The following STXBP6 variants were observed in gnomAD, a reference collection of about 807,000 sequenced individuals.
The protein encoded by STXBP6 is syntaxin binding protein 6.
In STXBP6, 21 loss-of-function variants were observed where a neutral mutation model predicts 26.9. The ratio of observed to expected loss-of-function variants is 0.78; its 90% CI spans 0.55 to 1.12. The LOEUF (loss-of-function observed/expected upper bound fraction) is 1.12. Among genes scored for constraint, STXBP6 ranks in the 50% most tolerant of loss-of-function variants. The pLI, the probability that STXBP6 is intolerant of heterozygous loss-of-function variation, is 0.00. For synonymous variants in STXBP6, 97 were observed against 92.6 expected (o/e 1.05, Z -0.27); for missense variants, 232 against 257.9 (o/e 0.90, Z 0.69).
intron 1 of STXBP6, among the ~76,000 whole-genome samples, chr14:25,011,669 AAAAT>A (rs1426452914): frequency 2.0e-5 from 3 of 152,244 alleles, no homozygotes; most frequent in African/African-American, 7.2e-5. Flanking sequence ...TTCAGTGATA[AAAAT>A]AAATGAGAGT....
chr14:24,939,905 C>T (rs898262602), intron 2 of STXBP6, among the ~76,000 whole-genome samples: 2 of 152,292 alleles, frequency 1.3e-5, no homozygotes, highest in African/African-American at 4.8e-5. Context: ...GAGCTAGTGG[C>T]TGCTGTACTG....
intron 2 of STXBP6, among the ~76,000 whole-genome samples, chr14:24,945,025 T>G (rs1002070754): frequency 2.0e-5 from 3 of 151,710 alleles, no homozygotes; most frequent in South Asian, 4.2e-4. Context: ...AACTGCTTAT[T>G]AAGTAACTAA....
chr14:24,840,852 T>C (rs2068763021), intron 4 of STXBP6, among the ~76,000 whole-genome samples: 1 of 150,970 alleles, frequency 6.6e-6, no homozygotes, highest in South Asian at 2.1e-4. Flanking sequence ...TTTTTTTTTT[T>C]CCTGTCAAAT....
intron 1 of STXBP6, among the ~76,000 whole-genome samples, chr14:25,037,091 A>AT (rs907430563): frequency 2.6e-5 from 4 of 152,132 alleles, no homozygotes; most frequent in African/African-American, 9.7e-5. Context: ...TCCTGGCAGA[A>AT]TGTGGCAGGA....
chr14:24,907,489 T>C (rs1184779629), intron 2 of STXBP6, among the ~76,000 whole-genome samples: 1 of 152,184 alleles, frequency 6.6e-6, no homozygotes, highest in East Asian at 1.9e-4. Flanking sequence ...TTAGAAAAGA[T>C]TGGAAAAACA....
intron 2 of STXBP6, among the ~76,000 whole-genome samples, chr14:24,926,261 G>T (rs543811462): frequency 6.6e-6 from 1 of 152,310 alleles, no homozygotes; most frequent in South Asian, 2.1e-4. Flanking sequence ...AGAACGCTAG[G>T]GGAATTGCAA....
At chr14:24,982,144 G>A (rs776436995) in intron 1 of STXBP6, among the ~76,000 whole-genome samples, 13 of 152,056 alleles carry the variant, frequency 8.5e-5, no homozygotes, top group Non-Finnish European at 1.5e-4. Flanking sequence ...TGAAAATTGC[G>A]GTTTTAAGGC....
rs1384140271 is a variant in STXBP6 at position 24,811,811 on chromosome 14, A to G, written c.*898T>C. The G allele has an allele frequency of 6.6e-6, 1 of 152,226 alleles. No individual in the cohort carries two copies. Among genetic ancestry groups the G allele is most frequent in the African/African-American group, 2.4e-5 (1 of 41,460 alleles). 9.4% of individuals were successfully genotyped at this position (152,226 alleles called of 1,614,324 possible). A position where few individuals can be genotyped will look rare whatever the true frequency, so the allele number is the denominator to read the frequency against. On this transcript the variant is annotated 3_prime_UTR_variant, in exon 6 of 6. Coordinates refer to ENST00000323944, the MANE Select transcript of STXBP6 (RefSeq NM_001394410.1). ...AAGACAAGACAAACATTTTAAATGT[A>G]CTACTTGTTCACATTATCATTGACA...
chr14:24,816,893 T>C lies in STXBP6; in HGVS notation c.609+2144A>G, dbSNP rs367712367. ...TCCAATCCCTCTACAGTGCTCATTA[T>C]GTGACTGAATAGGGCAGGGTCAGTA... On this transcript the variant is annotated intron_variant, in intron 5 of 5. Coordinates refer to ENST00000323944, the MANE Select transcript of STXBP6 (RefSeq NM_001394410.1). 9 of 152,294 alleles carry C rather than the reference T, an allele frequency of 5.9e-5. No individual in the cohort carries two copies. In the East Asian group the frequency reaches 9.7e-4, roughly 16 times the overall value. 9.4% of individuals were successfully genotyped at this position (152,294 alleles called of 1,614,324 possible).
intron 1 of STXBP6, among the ~76,000 whole-genome samples, chr14:24,976,004 G>A (rs1214600672): frequency 6.6e-6 from 1 of 152,240 alleles, no homozygotes; most frequent in Admixed American, 6.5e-5. Context: ...TGGATCAACA[G>A]CATAGCTATC....
At chr14:24,859,577 A>T (rs1283154378) in intron 2 of STXBP6, among the ~76,000 whole-genome samples, 2 of 152,124 alleles carry the variant, frequency 1.3e-5, no homozygotes, top group African/African-American at 4.8e-5. Flanking sequence ...GATAAAAAAT[A>T]CGCCAGTCAC....
intron 4 of STXBP6, among the ~76,000 whole-genome samples, chr14:24,852,954 CTCTGAT>C (rs1208762361): frequency 1.3e-5 from 2 of 152,114 alleles, no homozygotes; most frequent in Non-Finnish European, 2.9e-5. Context: ...TATTTGATCT[CTCTGAT>C]TCTGTTTCCT....
At chr14:24,901,886 G>A (rs2071225953) in intron 2 of STXBP6, among the ~76,000 whole-genome samples, 1 of 152,090 alleles carries the variant, frequency 6.6e-6, no homozygotes, top group Non-Finnish European at 1.5e-5. Context: ...GAATAAAAGA[G>A]GTTCCTGGGA....
At chr14:25,044,170 C>CAAAAAAAAAAAAAAA (rs768658907) in intron 1 of STXBP6, among the ~76,000 whole-genome samples, 1 of 53,328 alleles carries the variant, frequency 1.9e-5, no homozygotes, top group African/African-American at 7.9e-5. Flanking sequence ...GACTCTGCCT[C>CAAAAAAAAAAAAAAA]AAAAAAAAAA....
chr14:24,827,278 A>C (rs1024515353), intron 4 of STXBP6, among the ~76,000 whole-genome samples: 1 of 152,212 alleles, frequency 6.6e-6, no homozygotes, highest in African/African-American at 2.4e-5. Context: ...AATGAAATAC[A>C]TATTTAGCAT....
intron 2 of STXBP6, among the ~76,000 whole-genome samples, chr14:24,881,053 C>T (rs2070338446): frequency 6.6e-6 from 1 of 152,176 alleles, no homozygotes; most frequent in Non-Finnish European, 1.5e-5. Context: ...CTACTTGCTT[C>T]CCCATACACC....
chr14:24,971,298 A>C (rs1417290990), intron 2 of STXBP6, among the ~76,000 whole-genome samples: 1 of 152,238 alleles, frequency 6.6e-6, no homozygotes, highest in East Asian at 1.9e-4. Context: ...GTCTAGATGC[A>C]TATTTTGGCA....
chr14:24,946,653 G>A (rs1566499922), intron 2 of STXBP6, among the ~76,000 whole-genome samples: 1 of 152,170 alleles, frequency 6.6e-6, no homozygotes, highest in African/African-American at 2.4e-5. Flanking sequence ...GTTAAAGGGT[G>A]AAGAAGAAAT....
intron 1 of STXBP6, among the ~76,000 whole-genome samples, chr14:24,985,305 TCAC>T (rs778537097): frequency 2.0e-5 from 3 of 152,204 alleles, no homozygotes; most frequent in Non-Finnish European, 2.9e-5. Context: ...TCACAGCTGC[TCAC>T]CACCATCATT....
Sources: gnomAD v4.1 joint callset for allele counts (sites outside exome capture counted in the v4.1 genomes callset) on GRCh38, gnomAD v4.1.1 for gene constraint, MANE v1.5 for transcripts, NCBI Gene and HGNC (gene_info 2026-07-23, HGNC 2026-07-21) for gene names.